The following SPART variants were observed in gnomAD, a reference collection of about 807,000 sequenced individuals.
The protein encoded by SPART is spartin, also known as spastic paraplegia 20 (Troyer syndrome).
SPART carries 35 observed loss-of-function variants against 58.7 expected under a neutral mutation model. The observed-to-expected ratio is 0.60, with a 90% CI of 0.46 to 0.79. The LOEUF is 0.79. SPART is among the 30% of genes least tolerant of loss of function. The pLI is 0.00. For missense variants in SPART, 730 were observed against 786.1 expected (o/e 0.93, Z 0.85); for synonymous variants, 284 against 280.7 (o/e 1.01, Z -0.12).
At position 36,335,056 on chromosome 13, in the gene SPART, CGA is replaced by C; in HGVS notation, c.773_774del (p.Leu258ArgfsTer15). On this transcript the variant is annotated frameshift_variant, in exon 2 of 9. Transcript: ENST00000438666. LOFTEE classifies it high-confidence loss of function. ...LRIVRFLDNS[L>X]DTVLNRPPGF... ...CCGGGAGGACGGTTTAGAACCGTAT[CGA>C]GAGAATTATCCAAAAACCTCACAAT... 1 of 1,614,032 alleles carries C rather than the reference CGA, an allele frequency of 6.2e-7. No individual in the cohort carries two copies. The highest frequency in any genetic ancestry group is 8.5e-7 in the Non-Finnish European group (1 of 1,180,006).
At chr13:36,340,818 T>C (rs1342932220) in intron 1 of SPART, among the ~76,000 whole-genome samples, 1 of 152,224 alleles carries the variant, frequency 6.6e-6, no homozygotes, top group African/African-American at 2.4e-5. Flanking sequence ...AGGGTTCCAT[T>C]AGTAATAATT....
chr13:36,324,710 A>G (rs926015733), intron 5 of SPART, among the ~76,000 whole-genome samples: 1 of 152,228 alleles, frequency 6.6e-6, no homozygotes, highest in African/African-American at 2.4e-5. Context: ...GAGACCACCA[A>G]ACAGGCTTTG....
chr13:36,326,797 A>C, intron 4 of SPART, 99 bp from the exon 5 acceptor site: 2 of 1,306,540 alleles, frequency 1.5e-6, no homozygotes, highest in Non-Finnish European at 2.2e-6. Context: ...AATACTAGAT[A>C]AAATTAATGA....
At chr13:36,324,653 T>C (rs1292604898) in intron 5 of SPART, among the ~76,000 whole-genome samples, 1 of 152,150 alleles carries the variant, frequency 6.6e-6, no homozygotes. Flanking sequence ...ATAGCAGTAG[T>C]AAATGGAACA....
intron 1 of SPART, among the ~76,000 whole-genome samples, chr13:36,358,243 A>G (rs1885698433): frequency 6.6e-6 from 1 of 152,158 alleles, no homozygotes; most frequent in African/African-American, 2.4e-5. Flanking sequence ...TTATTCAATC[A>G]TATTCATTTT....
At chr13:36,348,278 C>A (rs944175956), upstream of SPART, among the ~76,000 whole-genome samples, 4 of 152,200 alleles carry the variant, frequency 2.6e-5, no homozygotes, top group Non-Finnish European at 4.4e-5. Flanking sequence ...GAGCCAGACC[C>A]TGTACCCCCT....
Position 36,312,396 on chromosome 13 carries a change from G to A in SPART, c.1565C>T (p.Pro522Leu), listed in dbSNP as rs1881220686. 1 of 1,613,926 alleles carries A rather than the reference G, an allele frequency of 6.2e-7. No individual in the cohort carries two copies. Among genetic ancestry groups the A allele is most frequent in the Non-Finnish European group, 8.5e-7 (1 of 1,180,006 alleles). Reference sequence around the variant, plus strand: ...ATCTTTGTCTTTTTTAAGAGATTCTGGAACAAGTTTGCTTCCATGCTTCTT... The same window carrying A: ...ATCTTTGTCTTTTTTAAGAGATTCTAGAACAAGTTTGCTTCCATGCTTCTT... ...HVKKHGSKLV[P>L]ESLKKDKDGK... The change falls in exon 7 of 9, where the codon CCA becomes CTA. Residue 522 changes from proline to leucine, a missense_variant. Coordinates refer to ENST00000438666, the MANE Select transcript of SPART (RefSeq NM_015087.5).
intron 1 of SPART, among the ~76,000 whole-genome samples, chr13:36,345,315 G>T (rs1176416807): frequency 6.6e-6 from 1 of 152,126 alleles, no homozygotes; most frequent in East Asian, 1.9e-4. Flanking sequence ...TTTCAAACAG[G>T]TCCAATAAAG....
At chr13:36,311,583 G>T (rs1881110970) in intron 8 of SPART, among the ~76,000 whole-genome samples, 1 of 151,790 alleles carries the variant, frequency 6.6e-6, no homozygotes, top group African/African-American at 2.4e-5. Flanking sequence ...GAAATTCCAG[G>T]CTTTTAAAAA....
chr13:36,335,585 T>A lies in SPART; in HGVS notation c.246A>T (p.Lys82Asn). 1 of 1,613,642 alleles carries A rather than the reference T, an allele frequency of 6.2e-7. No homozygotes were observed. Among genetic ancestry groups the A allele is most frequent in the Non-Finnish European group, 8.5e-7 (1 of 1,179,884 alleles). ...TGGTGCGTACATTCTGTAGAGTTTC[T>A]TTCATTTTCTGTTGCATCTGTCTAG... ...ESARQMQQKMKETLQNVRTRL... is the reference protein window; with the variant it reads ...ESARQMQQKMNETLQNVRTRL... Residue 82 changes from lysine to asparagine, a missense_variant, in exon 2 of 9, where the codon AAA becomes AAT. Lys to Asn is a moderately conservative substitution (Grantham distance 94). Coordinates refer to ENST00000438666, the MANE Select transcript of SPART (RefSeq NM_015087.5).
At chr13:36,345,836 G>A (rs1365459805) in intron 1 of SPART, among the ~76,000 whole-genome samples, 1 of 152,162 alleles carries the variant, frequency 6.6e-6, no homozygotes, top group East Asian at 1.9e-4. Flanking sequence ...GAGGGCAAAA[G>A]ACCACAGAGA....
chr13:36,340,362 C>CA (rs34348536), intron 1 of SPART, among the ~76,000 whole-genome samples: 37,565 of 150,586 alleles, frequency 0.25, 5,192 homozygotes, highest in East Asian at 0.51. Flanking sequence ...GACTCTGTTT[C>CA]AAAAAAATAA....
chr13:36,306,709 A>G (rs1880536705), intron 8 of SPART, among the ~76,000 whole-genome samples: 1 of 152,084 alleles, frequency 6.6e-6, no homozygotes, highest in South Asian at 2.1e-4. Flanking sequence ...CTGTTTTTCT[A>G]TGCTATCTCC....
chr13:36,352,360 T>C (rs984246533), intron 1 of SPART, among the ~76,000 whole-genome samples: 4 of 152,224 alleles, frequency 2.6e-5, no homozygotes, highest in South Asian at 4.1e-4. Context: ...TAAATTGTAC[T>C]TTTTATATTA....
intron 1 of SPART, among the ~76,000 whole-genome samples, chr13:36,362,219 C>T (rs532927438): frequency 1.3e-4 from 20 of 152,192 alleles, no homozygotes; most frequent in African/African-American, 4.6e-4. Context: ...GGCATGGTGG[C>T]GCACGCCTGT....
chr13:36,366,970 T>C (rs1211697243), intron 1 of SPART, among the ~76,000 whole-genome samples: 1 of 152,174 alleles, frequency 6.6e-6, no homozygotes, highest in Non-Finnish European at 1.5e-5. Flanking sequence ...TAAGGACCCT[T>C]AGATCCACCC....
intron 1 of SPART, among the ~76,000 whole-genome samples, chr13:36,358,390 G>A (rs7989684): frequency 0.99 from 150,339 of 152,320 alleles, 74,211 homozygotes; most frequent in East Asian, 1. Context: ...GCAAAGACTT[G>A]TTGCTGTCAT....
In SPART at chr13:36,335,724, A is replaced by T; in HGVS notation, c.107T>A (p.Leu36Ter). ...FVNKGLNTDE[L>*]GQKEEAKNYY... ...GTTCTTTGCTTCTTCCTTCTGACCT[A>T]ATTCATCTGTATTCAGACCTTTGTT... Residue 36 changes from leucine (L) to a stop codon, truncating the protein, a stop_gained, in exon 2 of 9, where the codon TTA becomes TAA. Coordinates refer to ENST00000438666, the MANE Select transcript of SPART (RefSeq NM_015087.5). LOFTEE classifies it high-confidence loss of function. 2 of 1,614,062 alleles carry T rather than the reference A, an allele frequency of 1.2e-6. No homozygotes were observed.
chr13:36,345,686 G>A (rs1885034224), intron 1 of SPART: 2 of 152,192 alleles, frequency 1.3e-5, no homozygotes, highest in South Asian at 4.1e-4. Flanking sequence ...CCGCCGCGCA[G>A]CTCAATCCCT....
Sources: gnomAD v4.1 joint callset for allele counts (sites outside exome capture counted in the v4.1 genomes callset) on GRCh38, gnomAD v4.1.1 for gene constraint, MANE v1.5 for transcripts, NCBI Gene and HGNC (gene_info 2026-07-23, HGNC 2026-07-21) for gene names.